PCLO: variants seen among roughly 807,000 people sequenced by gnomAD.
The protein encoded by PCLO is piccolo presynaptic cytomatrix protein.
A neutral mutation model predicts 427.5 loss-of-function variants in PCLO; 82 were observed. The ratio of observed to expected loss-of-function variants is 0.19; its 90% CI spans 0.16 to 0.23. The LOEUF (loss-of-function observed/expected upper bound fraction) is 0.23. Among genes scored for constraint, PCLO ranks in the 10% least tolerant of loss-of-function variants. The pLI is 1.00. For synonymous variants in PCLO, 2,357 were observed against 2,155.4 expected, an observed-to-expected ratio of 1.09 and a Z score of -2.59; for missense variants, 6,239 against 6,115.9, an observed-to-expected ratio of 1.02 and a Z score of -0.67.
chr7:82,904,849 T>C (rs1373823221), intron 8 of PCLO, among the ~76,000 whole-genome samples: 2 of 152,062 alleles, frequency 1.3e-5, no homozygotes, highest in Non-Finnish European at 2.9e-5. Context: ...CAATCTCCTA[T>C]AGTTTCAGAG....
Position 82,800,933 on chromosome 7 carries a change from G to A in PCLO, c.15007+585C>T, listed in dbSNP as rs112660674. 8.0e-3 allele frequency among the ~76,000 whole-genome samples: 1,221 copies of A among 151,858 alleles called. 14 individuals carry two copies. Among genetic ancestry groups the A allele is most frequent in the African/African-American group, 0.025 (1,036 of 41,460 alleles). The stretch of plus-strand genomic sequence containing the variant: ...TATTATGAAAGGTAAGCTTGTCATC[G>A]TAAAGCTTATAGATACTCCTTTTAT... On this transcript the variant is annotated intron_variant, in intron 22 of 24. Transcript: ENST00000333891.
chr7:82,935,746 CAAATTAT>C (rs1794938361), intron 6 of PCLO, among the ~76,000 whole-genome samples: 1 of 151,476 alleles, frequency 6.6e-6, no homozygotes. Context: ...GAAGACAGAG[CAAATTAT>C]AAATTAAGAT....
chr7:82,783,608 C>T lies in PCLO; in HGVS notation c.15007+17910G>A, dbSNP rs191068917. Among the ~76,000 whole-genome samples the T allele has an allele frequency of 1.2e-3, 186 of 152,094 alleles. 2 individuals carry two copies. The highest frequency in any genetic ancestry group is 9.1e-4 in the Non-Finnish European group (62 of 67,986). ...CTGAACTCCAGCCTGGGCGATAGAG[C>T]GAGACTCGGTCTCAAAACCAACCAA... On this transcript the variant is annotated intron_variant, in intron 22 of 24. Transcript: ENST00000333891.
rs1562933453 is a variant in PCLO, at chr7:83,038,259, T to C, written c.3301-71772A>G. Among the ~76,000 whole-genome samples, 3 of 149,498 alleles carry C rather than the reference T, an allele frequency of 2.0e-5. No individual in the cohort carries two copies. The South Asian group carries it at 6.3e-4, about 32-fold the overall frequency. On this transcript the variant is annotated intron_variant, in intron 3 of 24. Transcript: ENST00000333891. ...AAATTCACACATTTAAAATGTACAATTTAATGGTTTTTAGTATATTCACAG... is the reference window on the plus strand; with the variant it reads ...AAATTCACACATTTAAAATGTACAACTTAATGGTTTTTAGTATATTCACAG...
At position 82,920,067 on chromosome 7, in the gene PCLO, C is replaced by G. The variant is rs1584154949; in HGVS notation, c.11113-3194G>C. ...AGTAATGTCTTACCAACTTATAATTCAAAAAGAACTGACTCTGACAAAGAC... is the reference window on the plus strand; with the variant it reads ...AGTAATGTCTTACCAACTTATAATTGAAAAAGAACTGACTCTGACAAAGAC... On this transcript the variant is annotated intron_variant, in intron 6 of 24. Transcript: ENST00000333891. Among the ~76,000 whole-genome samples, 4 of 150,944 alleles carry G rather than the reference C, an allele frequency of 2.6e-5. No individual in the cohort carries two copies. In the South Asian group the frequency reaches 6.4e-4, roughly 24 times the overall value.
chr7:83,088,752 A>C (rs1232496295), intron 3 of PCLO, among the ~76,000 whole-genome samples: 1 of 151,648 alleles, frequency 6.6e-6, no homozygotes, highest in African/African-American at 2.4e-5. Flanking sequence ...CTTTTTTCTC[A>C]TTTTCACCTT....
chr7:82,758,437 G>A lies in PCLO; in HGVS notation c.*138C>T. ...TGATCCACAACAATAAATGTACAAG[G>A]TCTTAAGTATGTTTTTGCTTGTTGT... On this transcript the variant is annotated 3_prime_UTR_variant, in exon 25 of 25. Coordinates refer to ENST00000333891, the MANE Select transcript of PCLO (RefSeq NM_033026.6). The A allele has an allele frequency of 1.6e-6, 1 of 619,926 alleles. No homozygotes were observed. The highest frequency in any genetic ancestry group is 2.7e-6 in the Non-Finnish European group (1 of 365,142). The allele number at this position is 619,926 out of a possible 1,614,324, so 38.4% of individuals were successfully genotyped here.
At chr7:82,777,662 T>G (rs1198939048) in intron 22 of PCLO, among the ~76,000 whole-genome samples, 1 of 152,144 alleles carries the variant, frequency 6.6e-6, no homozygotes, top group African/African-American at 2.4e-5. Context: ...GGTCTCTCTT[T>G]AATAGACCTT....
At chr7:82,932,227 T>C (rs576070936) in intron 6 of PCLO, among the ~76,000 whole-genome samples, 3 of 152,212 alleles carry the variant, frequency 2.0e-5, no homozygotes, top group Admixed American at 6.6e-5. Context: ...CACTTGTGGG[T>C]CTTCTAATTT....
intron 19 of PCLO, among the ~76,000 whole-genome samples, chr7:82,823,277 A>G (rs1480860815): frequency 1.3e-5 from 2 of 152,166 alleles, no homozygotes; most frequent in Non-Finnish European, 2.9e-5. Flanking sequence ...CGTAGTCAGC[A>G]GTTTATGATA....
chr7:82,959,302 G>A (rs1795603179), intron 4 of PCLO, among the ~76,000 whole-genome samples: 3 of 152,088 alleles, frequency 2.0e-5, no homozygotes, highest in Non-Finnish European at 4.4e-5. Flanking sequence ...CTGACCTCGT[G>A]ATCCGCCCAC....
At chr7:83,038,044 T>TCTTTATAC (rs1788860961) in intron 3 of PCLO, among the ~76,000 whole-genome samples, 1 of 46,926 alleles carries the variant, frequency 2.1e-5, no homozygotes, top group Non-Finnish European at 3.3e-5. Flanking sequence ...TATATTTATA[T>TCTTTATAC]ATATATCTTT....
chr7:82,858,965 G>C (rs951509437), intron 10 of PCLO, among the ~76,000 whole-genome samples: 2 of 152,152 alleles, frequency 1.3e-5, no homozygotes, highest in Non-Finnish European at 2.9e-5. Context: ...AAAAAATCTT[G>C]AAATTCATGT....
intron 3 of PCLO, among the ~76,000 whole-genome samples, chr7:83,007,185 C>A (rs958490152): frequency 4.0e-5 from 6 of 151,408 alleles, no homozygotes; most frequent in African/African-American, 9.7e-5. Flanking sequence ...CTTAAAAATT[C>A]TCCAACAGAA....
chr7:83,043,960 C>T (rs1256900266), intron 3 of PCLO, among the ~76,000 whole-genome samples: 7 of 98,368 alleles, frequency 7.1e-5, no homozygotes, highest in African/African-American at 2.5e-4. Context: ...AATCCTGAAT[C>T]TCCATTGTAT....
intron 3 of PCLO, among the ~76,000 whole-genome samples, chr7:82,971,221 C>T (rs553128995): frequency 6.6e-6 from 1 of 151,672 alleles, no homozygotes; most frequent in African/African-American, 2.4e-5. Flanking sequence ...GTATCAATGC[C>T]ATGTATGACT....
chr7:82,880,480 G>C, intron 9 of PCLO: 1 of 314,750 alleles, frequency 3.2e-6, no homozygotes, highest in Non-Finnish European at 6.7e-6. Flanking sequence ...CTAAGCTGAA[G>C]CAATCCTCCT....
chr7:83,053,895 G>T (rs1225300775), intron 3 of PCLO, among the ~76,000 whole-genome samples: 1 of 151,920 alleles, frequency 6.6e-6, no homozygotes, highest in African/African-American at 2.4e-5. Flanking sequence ...TCACTTCAGA[G>T]ATGTTGAAAT....
intron 9 of PCLO, among the ~76,000 whole-genome samples, chr7:82,896,644 G>A (rs529654969): frequency 6.6e-6 from 1 of 151,456 alleles, no homozygotes; most frequent in South Asian, 2.1e-4. Context: ...TGATATGTAA[G>A]TTATATCCAA....
Sources: gnomAD v4.1 joint callset for allele counts (sites outside exome capture counted in the v4.1 genomes callset) on GRCh38, gnomAD v4.1.1 for gene constraint, MANE v1.5 for transcripts, NCBI Gene and HGNC (gene_info 2026-07-23, HGNC 2026-07-21) for gene names.